SLC26A5: variants seen among roughly 807,000 people sequenced by gnomAD.
SLC26A5 encodes the protein solute carrier family 26 member 5.
A neutral mutation model predicts 81.0 loss-of-function variants in SLC26A5; 51 were observed. The observed-to-expected ratio is 0.63, with a 90% CI of 0.50 to 0.80. The LOEUF is 0.80. SLC26A5 is among the 30% of genes least tolerant of loss of function. The pLI, the probability that SLC26A5 is intolerant of heterozygous loss-of-function variation, is 0.00. For synonymous variants in SLC26A5, 325 were observed against 332.8 expected, an observed-to-expected ratio of 0.98 and a Z score of 0.25; for missense variants, 771 against 905.8, an observed-to-expected ratio of 0.85 and a Z score of 1.91.
At chr7:103,403,837 A>G (rs771267053) in intron 8 of SLC26A5, among the ~76,000 whole-genome samples, 6 of 152,024 alleles carry the variant, frequency 3.9e-5, no homozygotes, top group African/African-American at 7.3e-5. Flanking sequence ...CTAATTTGCC[A>G]ATCTGTGTCT....
intron 6 of SLC26A5, among the ~76,000 whole-genome samples, chr7:103,411,048 G>A (rs1170630684): frequency 1.3e-5 from 2 of 152,176 alleles, no homozygotes; most frequent in African/African-American, 2.4e-5. Context: ...CCCACAGTGC[G>A]CTGACCACAC....
chr7:103,389,065 T>C lies in SLC26A5; in HGVS notation c.1457A>G (p.Tyr486Cys), dbSNP rs727503433. The C allele has an allele frequency of 1.2e-6, 2 of 1,613,814 alleles. No individual in the cohort carries two copies. The highest frequency in any genetic ancestry group is 1.7e-6 in the Non-Finnish European group (2 of 1,179,862). ...FVSSLFLGLD[Y>C]GLITAVIIAL... ...AATGATCACAGCAGTGATCAAACCA[T>C]AGTCCAATCCCAGGAACAAGGAGGA... The change falls in exon 14 of 20, where the codon TAT becomes TGT. Residue 486 changes from tyrosine (Y) to cysteine (C), a missense_variant. Tyr to Cys is a radical substitution (Grantham distance 194). Transcript: ENST00000306312.
chr7:103,419,597 G>A (rs1272411727), intron 4 of SLC26A5, among the ~76,000 whole-genome samples: 1 of 151,474 alleles, frequency 6.6e-6, no homozygotes, highest in African/African-American at 2.4e-5. Context: ...GAGTCCAGTG[G>A]CACGATCTCA....
At position 103,365,980 on chromosome 7, in the gene SLC26A5, T is replaced by C. The variant is rs146127794; in HGVS notation, c.2041+10828A>G. On this transcript the variant is annotated intron_variant, in intron 19 of 19. Coordinates refer to the SLC26A5 transcript ENST00000339444. ...AGGTAATAATGGGTGAGAATACTGT[T>C]AGGAATAAATATTGAAAAGTTTGAA... 840 of 964,836 alleles carry C rather than the reference T, an allele frequency of 8.7e-4. 4 individuals carry two copies. In the African/African-American group the frequency reaches 0.013, roughly 15 times the overall value. 59.8% of individuals were successfully genotyped at this position (964,836 alleles called of 1,614,324 possible).
intron 5 of SLC26A5, among the ~76,000 whole-genome samples, 200 bp downstream of exon 5, chr7:103,412,802 C>T (rs1006433290): frequency 2.0e-5 from 3 of 152,026 alleles, no homozygotes; most frequent in South Asian, 2.1e-4. Context: ...CTGCCCGCCT[C>T]GGCCTCCCAG....
intron 2 of SLC26A5, among the ~76,000 whole-genome samples, chr7:103,438,721 A>G (rs1237300518): frequency 6.6e-6 from 1 of 152,128 alleles, no homozygotes; most frequent in Non-Finnish European, 1.5e-5. Context: ...TTTACTGTGC[A>G]TTTCAGACTA....
rs549715029 is a variant in SLC26A5 at position 103,389,955 on chromosome 7, C to A, written c.1311+474G>T. Among the ~76,000 whole-genome samples, 37 of 152,192 alleles carry A rather than the reference C, an allele frequency of 2.4e-4. No individual in the cohort carries two copies. The Middle Eastern group carries it at 0.01, about 42-fold the overall frequency. The stretch of plus-strand genomic sequence containing the variant: ...ATCATTCTTATATCCTAATAGCAAA[C>A]CTGCATGGTGGCCAAGAGGTTCAGA... On this transcript the variant is annotated intron_variant, in intron 12 of 19. Transcript: ENST00000306312.
At chr7:103,418,859 C>T (rs114516457) in intron 4 of SLC26A5, among the ~76,000 whole-genome samples, 1 of 152,112 alleles carries the variant, frequency 6.6e-6, no homozygotes, top group East Asian at 1.9e-4. Flanking sequence ...CCATTCCCCC[C>T]ACAGCAGTCT....
At position 103,421,381 on chromosome 7, in the gene SLC26A5, T is replaced by A; in HGVS notation, c.134A>T (p.Lys45Met). The change falls in exon 3 of 20, where the codon AAG becomes ATG. Residue 45 changes from lysine to methionine, a missense_variant. Physicochemically the swap from Lys to Met is moderately conservative, Grantham distance 95. Transcript: ENST00000306312. ...AACGTACGTGAATGCCTGTTTCAGC[T>A]TATCCGCAATGGAATCAGGAACCTT... is the stretch of plus-strand genomic sequence containing the variant. Reference protein sequence around the residue: ...KDKVPDSIADKLKQAFTCTPK... With the variant: ...KDKVPDSIADMLKQAFTCTPK... 6.2e-7 allele frequency: 1 copy of A among 1,614,090 alleles called. No homozygotes were observed. Among genetic ancestry groups the A allele is most frequent in the Non-Finnish European group, 8.5e-7 (1 of 1,179,974 alleles).
chr7:103,366,302 C>G (rs1251896774), intron 19 of SLC26A5: 1 of 706,298 alleles, frequency 1.4e-6, no homozygotes, highest in South Asian at 1.9e-5. Flanking sequence ...CGCCACAGAT[C>G]TAATAAGTAG....
intron 19 of SLC26A5, among the ~76,000 whole-genome samples, chr7:103,359,030 C>T (rs912993528): frequency 6.9e-6 from 1 of 145,376 alleles, no homozygotes; most frequent in African/African-American, 2.5e-5. Context: ...GTTACCAAGG[C>T]TGGAGTGCAG....
In SLC26A5 at chr7:103,409,942, C is replaced by T. The variant is rs140979519; in HGVS notation, c.735+443G>A. Among the ~76,000 whole-genome samples, 186 of 152,228 alleles carry T rather than the reference C, an allele frequency of 1.2e-3. 1 individual carries two copies. The highest frequency in any genetic ancestry group is 3.9e-3 in the African/African-American group (163 of 41,544). On this transcript the variant is annotated intron_variant, in intron 7 of 19. Transcript: ENST00000306312. ...CAGGATAGTCTCGATCTCCTGACCT[C>T]GTGATCCGCCCATCTAGCCCTTTCA... is the stretch of plus-strand genomic sequence containing the variant.
downstream of SLC26A5, among the ~76,000 whole-genome samples, chr7:103,373,036 T>C (rs1010406062): frequency 2.0e-5 from 3 of 152,186 alleles, no homozygotes; most frequent in African/African-American, 7.2e-5. Context: ...AGGGAAAGCT[T>C]AGTTCACATA....
rs377148546 is a variant in SLC26A5, at chr7:103,410,646, CT to C, written c.571-98del. 5,515 of 1,069,006 alleles carry C rather than the reference CT, an allele frequency of 5.2e-3. 1 individual carries two copies. The highest frequency in any genetic ancestry group is 6.5e-3 in the Middle Eastern group (21 of 3,216). The allele number at this position is 1,069,006 out of a possible 1,614,324, so 66.2% of individuals were successfully genotyped here. Reference sequence around the variant, plus strand: ...ATACAAGTTCTTTCTTGACCATTTTCTTTTTTTTTTGAGATGGAGTCTTGCT... The same window carrying C: ...ATACAAGTTCTTTCTTGACCATTTTCTTTTTTTTTGAGATGGAGTCTTGCT... On this transcript the variant is annotated intron_variant, in intron 6 of 19. Coordinates refer to ENST00000306312, the MANE Select transcript of SLC26A5 (RefSeq NM_198999.3).
chr7:103,375,055 T>C (rs532271071), intron 19 of SLC26A5, among the ~76,000 whole-genome samples: 51 of 146,126 alleles, frequency 3.5e-4, no homozygotes, highest in Non-Finnish European at 1.3e-4. Flanking sequence ...CACACACACA[T>C]ATATACACAC....
At chr7:103,373,452 T>C (rs567334244), downstream of SLC26A5, among the ~76,000 whole-genome samples, 1 of 152,246 alleles carries the variant, frequency 6.6e-6, no homozygotes, top group African/African-American at 2.4e-5. Context: ...TAAAAACAAG[T>C]TAAACAACAC....
At chr7:103,409,812 A>G (rs1824337276) in intron 7 of SLC26A5, among the ~76,000 whole-genome samples, 1 of 151,828 alleles carries the variant, frequency 6.6e-6, no homozygotes, top group South Asian at 2.1e-4. Flanking sequence ...GGTTCACGCC[A>G]TTCTCCTGTC....
At chr7:103,439,110 T>G (rs1826677558) in intron 2 of SLC26A5, among the ~76,000 whole-genome samples, 1 of 152,144 alleles carries the variant, frequency 6.6e-6, no homozygotes, top group Non-Finnish European at 1.5e-5. Flanking sequence ...TACCTGACAG[T>G]TTTTATTCTT....
intron 8 of SLC26A5, among the ~76,000 whole-genome samples, chr7:103,403,769 C>T (rs1222364921): frequency 6.9e-6 from 1 of 145,880 alleles, no homozygotes; most frequent in Non-Finnish European, 1.5e-5. Context: ...CTATGTGTGT[C>T]TTTGTATATG....
Sources: gnomAD v4.1 joint callset for allele counts (sites outside exome capture counted in the v4.1 genomes callset) on GRCh38, gnomAD v4.1.1 for gene constraint, MANE v1.5 for transcripts, NCBI Gene and HGNC (gene_info 2026-07-23, HGNC 2026-07-21) for gene names.